SPNS2: variants seen among roughly 807,000 people sequenced by gnomAD.
The protein encoded by SPNS2 is sphingosine-1-phosphate transporter SPNS2.
A neutral mutation model predicts 57.6 loss-of-function variants in SPNS2; 37 were observed. The ratio of observed to expected loss-of-function variants is 0.64; its 90% CI spans 0.49 to 0.85. The LOEUF (loss-of-function observed/expected upper bound fraction) is 0.85, where lower values mean the gene tolerates loss of function less well. Among genes scored for constraint, SPNS2 ranks in the 40% least tolerant of loss-of-function variants. SPNS2 has a pLI of 0.00. For synonymous variants in SPNS2, 440 were observed against 346.9 expected (o/e 1.27, Z -2.98); for missense variants, 831 against 779.1 (o/e 1.07, Z -0.79).
At chr17:4,501,986 G>A (rs1904525559) in intron 1 of SPNS2, among the ~76,000 whole-genome samples, 1 of 152,194 alleles carries the variant, frequency 6.6e-6, no homozygotes, top group Non-Finnish European at 1.5e-5. Flanking sequence ...TTTTCTGGTA[G>A]CCGGACTAAA....
intron 2 of SPNS2, among the ~76,000 whole-genome samples, chr17:4,523,267 G>A (rs1408867244): frequency 1.3e-5 from 2 of 152,012 alleles, no homozygotes; most frequent in South Asian, 4.1e-4. Context: ...GAGAAACCCC[G>A]TCTCTACTAA....
intron 2 of SPNS2, among the ~76,000 whole-genome samples, chr17:4,519,007 C>T (rs1309520316): frequency 9.9e-5 from 15 of 152,136 alleles, no homozygotes; most frequent in Admixed American, 9.2e-4. Flanking sequence ...AGCTTTCAGG[C>T]GCTGATGGGG....
intron 1 of SPNS2, among the ~76,000 whole-genome samples, chr17:4,508,805 T>C (rs1039376874): frequency 6.6e-6 from 1 of 152,234 alleles, no homozygotes; most frequent in Non-Finnish European, 1.5e-5. Flanking sequence ...TCTGGGCCAG[T>C]GGATCTTAAA....
chr17:4,534,904 GCAGGGT>G (rs1905699416), intron 9 of SPNS2, among the ~76,000 whole-genome samples: 1 of 152,168 alleles, frequency 6.6e-6, no homozygotes, highest in South Asian at 2.1e-4. Flanking sequence ...ACAGCTGCCG[GCAGGGT>G]CAGGGTCCCG....
In SPNS2 at chr17:4,538,847, C is replaced by T; in HGVS notation, c.*1399C>T. Reference sequence around the variant, plus strand: ...CAAAGACCAGCCTCCACCCCCACTCCAGCCTCAGCGGGGCCCCAGCGATGT... The same window carrying T: ...CAAAGACCAGCCTCCACCCCCACTCTAGCCTCAGCGGGGCCCCAGCGATGT... On this transcript the variant is annotated 3_prime_UTR_variant, in exon 13 of 13. Transcript: ENST00000329078. 2 of 779,544 alleles carry T rather than the reference C, an allele frequency of 2.6e-6. No individual in the cohort carries two copies. The highest frequency in any genetic ancestry group is 4.8e-6 in the Non-Finnish European group (2 of 417,424). The allele number at this position is 779,544 out of a possible 1,614,324, so 48.3% of individuals were successfully genotyped here.
intron 12 of SPNS2, 125 bp downstream of exon 12, chr17:4,537,071 T>A: frequency 9.3e-7 from 1 of 1,071,656 alleles, no homozygotes; most frequent in Non-Finnish European, 1.4e-6. Flanking sequence ...AACTCTGGGC[T>A]TTGTCTCTGA....
At chr17:4,509,687 C>T (rs2144314662) in intron 1 of SPNS2, among the ~76,000 whole-genome samples, 1 of 152,360 alleles carries the variant, frequency 6.6e-6, no homozygotes, top group South Asian at 2.1e-4. Context: ...TGGCCTCAGA[C>T]AAGAGGTGAG....
At chr17:4,536,760 T>C in intron 11 of SPNS2, 140 bp from the exon 12 acceptor site, 1 of 726,536 alleles carries the variant, frequency 1.4e-6, no homozygotes, top group South Asian at 1.5e-5. Flanking sequence ...CCCTGGGCTC[T>C]CCCATCTCCC....
intron 2 of SPNS2, among the ~76,000 whole-genome samples, chr17:4,520,824 TCTC>T (rs1245546597): frequency 6.6e-6 from 1 of 152,078 alleles, no homozygotes; most frequent in Non-Finnish European, 1.5e-5. Context: ...GCCTCCATTG[TCTC>T]CTCTGTAAAA....
At chr17:4,505,530 C>T (rs1277654980) in intron 1 of SPNS2, among the ~76,000 whole-genome samples, 3 of 152,226 alleles carry the variant, frequency 2.0e-5, no homozygotes, top group African/African-American at 7.2e-5. Flanking sequence ...GGCCGCGCAA[C>T]CCCCAAGCTG....
At chr17:4,515,164 G>C (rs1000028433) in intron 2 of SPNS2, among the ~76,000 whole-genome samples, 1 of 152,150 alleles carries the variant, frequency 6.6e-6, no homozygotes. Flanking sequence ...TCCCAGGCTG[G>C]CTTCTCGGGC....
At chr17:4,503,924 G>A (rs75206022) in intron 1 of SPNS2, among the ~76,000 whole-genome samples, 1,678 of 151,810 alleles carry the variant, frequency 0.011, 29 homozygotes, top group African/African-American at 0.039. Flanking sequence ...CTTCCCCAGA[G>A]CAGCTGAGCT....
Position 4,538,109 on chromosome 17 carries a change from G to T in SPNS2, c.*661G>T, listed in dbSNP as rs905031598. The T allele has an allele frequency of 3.0e-6, 1 of 333,334 alleles. No homozygotes were observed. Among genetic ancestry groups the T allele is most frequent in the South Asian group, 2.4e-5 (1 of 41,266 alleles). 20.6% of individuals were successfully genotyped at this position (333,334 alleles called of 1,614,324 possible). On this transcript the variant is annotated 3_prime_UTR_variant, in exon 13 of 13. Coordinates refer to ENST00000329078, the MANE Select transcript of SPNS2 (RefSeq NM_001124758.3). Reference sequence around the variant, plus strand: ...GGCTCCCAGCCTGGAGGTCCCAGATGGGGACTGTTCTGACAAGCTGGCATC... The same window carrying T: ...GGCTCCCAGCCTGGAGGTCCCAGATTGGGACTGTTCTGACAAGCTGGCATC...
At chr17:4,516,823 C>A (rs1349892281) in intron 2 of SPNS2, among the ~76,000 whole-genome samples, 2 of 152,172 alleles carry the variant, frequency 1.3e-5, no homozygotes, top group Non-Finnish European at 2.9e-5. Flanking sequence ...GAGCTGAACT[C>A]AAAAACCGGA....
rs371599983 is a variant in SPNS2, at chr17:4,518,093, G to A, written c.436+4781G>A. Reference sequence around the variant, plus strand: ...CATTGGCCATGGGTTGGCGTATGGGGAGAACAGAAGGAGAAGAGGCTGGAC... The same window carrying A: ...CATTGGCCATGGGTTGGCGTATGGGAAGAACAGAAGGAGAAGAGGCTGGAC... On this transcript the variant is annotated intron_variant, in intron 2 of 12. Transcript: ENST00000329078. Among the ~76,000 whole-genome samples, 104 of 152,346 alleles carry A rather than the reference G, an allele frequency of 6.8e-4. 3 individuals are homozygous for A. The South Asian group carries it at 0.021, about 31-fold the overall frequency.
intron 5 of SPNS2, among the ~76,000 whole-genome samples, chr17:4,531,582 G>A (rs1905476494): frequency 6.6e-6 from 1 of 152,156 alleles, no homozygotes; most frequent in Non-Finnish European, 1.5e-5. Context: ...AGCGCAATCG[G>A]AGGAAACAGA....
In SPNS2 at chr17:4,499,491, C is replaced by A; in HGVS notation, c.370+74C>A. ...CACCACCCGCCTCGAGGGAGGTACC[C>A]CAGAGAGCTTTTGGTCTCAGGCCTG... On this transcript the variant is annotated intron_variant, in intron 1 of 12. Coordinates refer to ENST00000329078, the MANE Select transcript of SPNS2 (RefSeq NM_001124758.3). The surrounding 1 kb of genome is among the most constrained non-coding windows in gnomAD (Gnocchi z 5.2). 1 of 1,048,696 alleles carries A rather than the reference C, an allele frequency of 9.5e-7. No individual in the cohort carries two copies. The highest frequency in any genetic ancestry group is 1.3e-6 in the Non-Finnish European group (1 of 793,646). 65.0% of individuals were successfully genotyped at this position (1,048,696 alleles called of 1,614,324 possible). A position where few individuals can be genotyped will look rare whatever the true frequency, so the allele number is the denominator to read the frequency against.
At chr17:4,535,975 G>A in intron 9 of SPNS2, 101 bp from the exon 10 acceptor site, 1 of 941,264 alleles carries the variant, frequency 1.1e-6, no homozygotes, top group Non-Finnish European at 1.6e-6. Context: ...GCAGGAGTGA[G>A]TCTGAGGGTG....
In SPNS2 at chr17:4,510,374, C is replaced by T. The variant is rs951316321; in HGVS notation, c.371-2873C>T. Among the ~76,000 whole-genome samples the T allele has an allele frequency of 2.0e-5, 3 of 152,128 alleles. No homozygotes were observed. Among genetic ancestry groups the T allele is most frequent in the African/African-American group, 7.2e-5 (3 of 41,426 alleles). On this transcript the variant is annotated intron_variant, in intron 1 of 12. Transcript: ENST00000329078. The surrounding 1 kb of genome is among the most constrained non-coding windows in gnomAD (Gnocchi z 4.4). ...CAGGACTTCCCAGAGACCTTAGACG[C>T]CCATCTGGATGTGGAGGAATGTTCT...
Sources: allele counts gnomAD v4.1 joint callset (sites outside exome capture counted in the v4.1 genomes callset), GRCh38; gene constraint gnomAD v4.1.1; non-coding constraint Gnocchi (gnomAD v3.1); transcripts MANE v1.5; gene names NCBI Gene and HGNC (gene_info 2026-07-23, HGNC 2026-07-21).